The following SNTG2 variants were observed in gnomAD, a reference collection of about 807,000 sequenced individuals.
SNTG2 encodes gamma-2-syntrophin.
SNTG2 carries 74 observed loss-of-function variants against 70.9 expected under a neutral mutation model. The ratio of observed to expected loss-of-function variants is 1.04; its 90% CI spans 0.86 to 1.27. The LOEUF is 1.27. Ranked by LOEUF, SNTG2 falls within the 50% of genes most tolerant of loss-of-function variation. SNTG2 has a pLI of 0.00. For synonymous variants in SNTG2, 278 were observed against 273.8 expected (o/e 1.02, Z -0.15); for missense variants, 717 against 690.7 (o/e 1.04, Z -0.43).
intron 4 of SNTG2, 107 bp downstream of exon 4, chr2:1,098,517 A>C (rs1383210062): frequency 8.6e-7 from 1 of 1,167,122 alleles, no homozygotes; most frequent in African/African-American, 1.5e-5. Flanking sequence ...CGATTACCTA[A>C]ACTTCCGTTT....
chr2:954,049 A>G (rs1660065837), intron 1 of SNTG2, among the ~76,000 whole-genome samples: 1 of 152,076 alleles, frequency 6.6e-6, no homozygotes, highest in Admixed American at 6.5e-5. Context: ...AGACTTACTA[A>G]GCAGTGTGAT....
chr2:1,177,888 C>T (rs924981680), intron 8 of SNTG2, among the ~76,000 whole-genome samples: 1 of 152,072 alleles, frequency 6.6e-6, no homozygotes, highest in Admixed American at 6.6e-5. Context: ...AAAAGATTAG[C>T]AGTGATTGCA....
At chr2:1,086,864 T>C (rs1350894676) in intron 2 of SNTG2, among the ~76,000 whole-genome samples, 1 of 151,964 alleles carries the variant, frequency 6.6e-6, no homozygotes, top group East Asian at 1.9e-4. Flanking sequence ...TATCTAGAAA[T>C]TAAAATAGAA....
At chr2:1,089,881 T>C (rs188049666) in intron 2 of SNTG2, among the ~76,000 whole-genome samples, 1 of 152,360 alleles carries the variant, frequency 6.6e-6, no homozygotes, top group Admixed American at 6.5e-5. Context: ...ATTTATTATA[T>C]GCCAACATAG....
At chr2:1,201,052 A>T (rs1673245344) in intron 8 of SNTG2, among the ~76,000 whole-genome samples, 1 of 152,022 alleles carries the variant, frequency 6.6e-6, no homozygotes, top group Non-Finnish European at 1.5e-5. Context: ...GTGGGTATTT[A>T]TTGAAAGGAA....
At chr2:1,320,560 AAAAAG>A (rs1558205624) in intron 16 of SNTG2, among the ~76,000 whole-genome samples, 2 of 151,816 alleles carry the variant, frequency 1.3e-5, no homozygotes, top group African/African-American at 4.8e-5. Context: ...AAAGAAAGAA[AAAAAG>A]AAAAGAAAGA....
chr2:1,089,379 T>C (rs1440476379), intron 2 of SNTG2, among the ~76,000 whole-genome samples: 4 of 152,208 alleles, frequency 2.6e-5, no homozygotes, highest in African/African-American at 9.6e-5. Flanking sequence ...TAGTTAAAAA[T>C]AATAGTTTAC....
chr2:1,146,071 G>A (rs7561155), intron 6 of SNTG2, among the ~76,000 whole-genome samples: 55,548 of 151,522 alleles, frequency 0.37, 10,943 homozygotes, highest in East Asian at 0.83. Context: ...AAGATTAACT[G>A]CAAAAAATCC....
chr2:1,092,598 T>C (rs1665105572), intron 2 of SNTG2, among the ~76,000 whole-genome samples: 1 of 152,222 alleles, frequency 6.6e-6, no homozygotes, highest in Non-Finnish European at 1.5e-5. Flanking sequence ...TAGTGTTAAG[T>C]CCACAGTTTA....
chr2:1,206,549 A>G (rs187658239), intron 8 of SNTG2, among the ~76,000 whole-genome samples: 2 of 152,256 alleles, frequency 1.3e-5, no homozygotes, highest in East Asian at 1.9e-4. Flanking sequence ...CTTCTCCCCT[A>G]GCTGCTAGGT....
At chr2:1,016,910 C>T (rs1659912529) in intron 1 of SNTG2, among the ~76,000 whole-genome samples, 1 of 152,140 alleles carries the variant, frequency 6.6e-6, no homozygotes, top group African/African-American at 2.4e-5. Context: ...GGTGGGTGGT[C>T]TCTTATCAGG....
intron 4 of SNTG2, among the ~76,000 whole-genome samples, chr2:1,112,130 T>C (rs1466698830): frequency 1.3e-5 from 2 of 151,616 alleles, no homozygotes; most frequent in Non-Finnish European, 2.9e-5. Context: ...TCATGTATAC[T>C]AAGTGAGGTT....
rs1675141567 is a variant in SNTG2, at chr2:1,222,065, T to TG, written c.719+12835_719+12836insG. On this transcript the variant is annotated intron_variant, in intron 9 of 16. Transcript: ENST00000308624. ...TCTCTCTGTCTCTCTCTGTCTCTGT[T>TG]TCTCTCTGTCTCTGTCTCTGTCTCT... Among the ~76,000 whole-genome samples the TG allele has an allele frequency of 1.6e-3, 3 of 1,828 alleles. 1 individual carries two copies. Among genetic ancestry groups the TG allele is most frequent in the Admixed American group, 6.6e-3 (1 of 152 alleles). 1.2% of individuals were successfully genotyped at this position (1,828 alleles called of 152,430 possible). A position where few individuals can be genotyped will look rare whatever the true frequency, so the allele number is the denominator to read the frequency against.
At chr2:1,284,149 C>G (rs1679672821) in intron 14 of SNTG2, among the ~76,000 whole-genome samples, 2 of 152,142 alleles carry the variant, frequency 1.3e-5, no homozygotes, top group African/African-American at 4.8e-5. Context: ...GCCATTATGG[C>G]TTAATTTAAT....
At chr2:1,034,421 G>A (rs116166826) in intron 1 of SNTG2, among the ~76,000 whole-genome samples, 95 of 152,300 alleles carry the variant, frequency 6.2e-4, no homozygotes, top group Non-Finnish European at 9.0e-4. Context: ...ACATATGCAT[G>A]CATACATCTT....
chr2:1,367,452 G>C lies in SNTG2; in HGVS notation c.1598G>C (p.Arg533Thr). ...TTCATGGACAGTCAGAGTCTTGCCAGAAAATACATGTACAGCAGCTAAAGG... is the reference window on the plus strand; with the variant it reads ...TTCATGGACAGTCAGAGTCTTGCCACAAAATACATGTACAGCAGCTAAAGG... ...PGFMDSQSLA[R>T]KYMYSS Residue 533 changes from arginine to threonine, a missense_variant, in exon 17 of 17, where the codon AGA becomes ACA. Physicochemically the swap from Arg to Thr is moderately conservative, Grantham distance 71. Coordinates refer to ENST00000308624, the MANE Select transcript of SNTG2 (RefSeq NM_018968.4). 3 of 1,551,546 alleles carry C rather than the reference G, an allele frequency of 1.9e-6. No homozygotes were observed. The highest frequency in any genetic ancestry group is 1.7e-6 in the Non-Finnish European group (2 of 1,146,990).
At chr2:1,190,993 A>G (rs1034170464) in intron 8 of SNTG2, among the ~76,000 whole-genome samples, 2 of 152,222 alleles carry the variant, frequency 1.3e-5, no homozygotes, top group South Asian at 2.1e-4. Flanking sequence ...CTGAATTTAC[A>G]TGCTCCTTCA....
chr2:1,223,633 A>G (rs1030316377), intron 9 of SNTG2, among the ~76,000 whole-genome samples: 1 of 152,224 alleles, frequency 6.6e-6, no homozygotes, highest in African/African-American at 2.4e-5. Context: ...CTGAAAGGGG[A>G]GAACTATCAG....
chr2:1,366,745 G>A (rs1661510054), intron 16 of SNTG2, among the ~76,000 whole-genome samples: 2 of 152,180 alleles, frequency 1.3e-5, no homozygotes, highest in Non-Finnish European at 2.9e-5. Context: ...TTGGCATGAA[G>A]CCCACACGCA....
Sources: allele counts gnomAD v4.1 joint callset (sites outside exome capture counted in the v4.1 genomes callset), GRCh38; gene constraint gnomAD v4.1.1; transcripts MANE v1.5; gene names NCBI Gene and HGNC (gene_info 2026-07-23, HGNC 2026-07-21).